The following NMT2 variants were observed in gnomAD, a reference collection of about 807,000 sequenced individuals.
NMT2 encodes N-myristoyltransferase 2.
Under a neutral mutation model 65.4 loss-of-function variants are expected in NMT2, and 35 were observed. That is an observed-to-expected ratio of 0.54 (90% CI 0.41 to 0.71). The LOEUF (loss-of-function observed/expected upper bound fraction) is 0.71, where lower values mean the gene tolerates loss of function less well. Among genes scored for constraint, NMT2 ranks in the 30% least tolerant of loss-of-function variants. The probability of loss-of-function intolerance (pLI) is 0.00; values close to 1 mark genes in which losing one functional copy is unlikely to be tolerated. For missense variants in NMT2, 489 were observed against 611.3 expected (o/e 0.80, Z 2.11); for synonymous variants, 226 against 231.8 (o/e 0.98, Z 0.23).
chr10:15,122,923 T>G (rs1247779032), intron 8 of NMT2, among the ~76,000 whole-genome samples: 2 of 150,112 alleles, frequency 1.3e-5, no homozygotes, highest in African/African-American at 5.0e-5. Context: ...AGTGTTATTA[T>G]GAAAATAGTT....
At chr10:15,111,683 C>G (rs1845524387) in intron 10 of NMT2, 1 of 151,570 alleles carries the variant, frequency 6.6e-6, no homozygotes. Context: ...TTTTATTTCT[C>G]AGGGTTTTTA....
At chr10:15,143,034 C>T (rs974020625) in intron 1 of NMT2, among the ~76,000 whole-genome samples, 1 of 152,106 alleles carries the variant, frequency 6.6e-6, no homozygotes, top group Non-Finnish European at 1.5e-5. Flanking sequence ...TTCTTAATTG[C>T]GTCCCTAAGG....
chr10:15,159,069 A>T (rs942108900), intron 1 of NMT2, among the ~76,000 whole-genome samples: 6 of 152,172 alleles, frequency 3.9e-5, no homozygotes, highest in African/African-American at 1.4e-4. Flanking sequence ...CACAGGTCTC[A>T]CCAAAGGTGT....
At position 15,168,656 on chromosome 10, in the gene NMT2, GAGCGGCCGCAGCTCCCTCTA is replaced by G; in HGVS notation, c.-64_-45del. 6.7e-7 allele frequency: 1 copy of G among 1,493,130 alleles called. No individual in the cohort carries two copies. The highest frequency in any genetic ancestry group is 9.0e-7 in the Non-Finnish European group (1 of 1,107,878). The allele number at this position is 1,493,130 out of a possible 1,614,324, so 92.5% of individuals were successfully genotyped here. A position where few individuals can be genotyped will look rare whatever the true frequency, so the allele number is the denominator to read the frequency against. The stretch of plus-strand genomic sequence containing the variant: ...GGAGGCGGTGCTCGGGGCCGGGCCG[GAGCGGCCGCAGCTCCCTCTA>G]GTGCCTCCCGCCGTACTGCTTGGAG... On this transcript the variant is annotated 5_prime_UTR_variant, in exon 1 of 12. Transcript: ENST00000378165.
At chr10:15,149,154 C>G (rs1170454178) in intron 1 of NMT2, among the ~76,000 whole-genome samples, 1 of 150,074 alleles carries the variant, frequency 6.7e-6, no homozygotes, top group Non-Finnish European at 1.5e-5. Context: ...TGATCGCCAT[C>G]ACCACCATCA....
chr10:15,153,562 C>T (rs946320423), intron 1 of NMT2, among the ~76,000 whole-genome samples: 8 of 152,236 alleles, frequency 5.3e-5, no homozygotes, highest in Non-Finnish European at 1.0e-4. Flanking sequence ...CTGAATACGT[C>T]ACACTACTTA....
chr10:15,135,336 T>C lies in NMT2; in HGVS notation c.329A>G (p.Asn110Ser), dbSNP rs1311520413. The C allele has an allele frequency of 6.2e-7, 1 of 1,614,146 alleles. No homozygotes were observed. Among genetic ancestry groups the C allele is most frequent in the Non-Finnish European group, 8.5e-7 (1 of 1,180,010 alleles). The change falls in exon 3 of 12, where the codon AAC (asparagine) becomes AGC (serine). Residue 110 changes from asparagine (N) to serine (S), a missense_variant. Asn to Ser is a conservative substitution (Grantham distance 46, BLOSUM62 1). Coordinates refer to ENST00000378165, the MANE Select transcript of NMT2 (RefSeq NM_004808.3). ...LLSACQGPARNIDEAAKHRYQ... is the reference protein window; with the variant it reads ...LLSACQGPARSIDEAAKHRYQ... The stretch of plus-strand genomic sequence containing the variant: ...TCTGTGCTTTGCAGCCTCATCAATG[T>C]TCCTGGCTGGGCCCTGGCATGCGGA...
chr10:15,107,436 G>A lies in NMT2; in HGVS notation c.*1759C>T. The A allele has an allele frequency of 1.0e-6, 1 of 985,436 alleles. No individual in the cohort carries two copies. Among genetic ancestry groups the A allele is most frequent in the Non-Finnish European group, 1.2e-6 (1 of 829,936 alleles). The allele number at this position is 985,436 out of a possible 1,614,324, so 61.0% of individuals were successfully genotyped here. A position where few individuals can be genotyped will look rare whatever the true frequency, so the allele number is the denominator to read the frequency against. ...ACTGAACTTCCTAGGCACTGGCCCA[G>A]TAAAAGCAGGGAAAAGTATCTACTT... On this transcript the variant is annotated 3_prime_UTR_variant, in exon 12 of 12. Transcript: ENST00000378165.
chr10:15,160,084 G>C (rs546216454), intron 1 of NMT2, among the ~76,000 whole-genome samples: 1 of 152,304 alleles, frequency 6.6e-6, no homozygotes, highest in East Asian at 1.9e-4. Flanking sequence ...CAGAAGCAGA[G>C]GAAGCCATGA....
chr10:15,160,573 G>C (rs997104403), intron 1 of NMT2, among the ~76,000 whole-genome samples: 1 of 151,988 alleles, frequency 6.6e-6, no homozygotes, highest in African/African-American at 2.4e-5. Context: ...TCAGGAGTTC[G>C]AGACCAGCCG....
chr10:15,127,546 C>CAAAAAAAAAAAAAAAAAAAAAAAA (rs1239422956), intron 8 of NMT2, among the ~76,000 whole-genome samples: 1 of 51,370 alleles, frequency 1.9e-5, no homozygotes, highest in African/African-American at 4.9e-5. Flanking sequence ...GACTCCGTCT[C>CAAAAAAAAAAAAAAAAAAAAAAAA]AAAAAAAAAA....
intron 1 of NMT2, among the ~76,000 whole-genome samples, chr10:15,153,816 AT>A (rs368089996): frequency 5.4e-5 from 8 of 148,628 alleles, no homozygotes; most frequent in South Asian, 2.1e-4. Context: ...CGCCCGGCTA[AT>A]TTTTTTTTTG....
intron 8 of NMT2, among the ~76,000 whole-genome samples, chr10:15,127,575 T>TAA (rs1410611353): frequency 4.5e-5 from 3 of 67,104 alleles, no homozygotes; most frequent in South Asian, 4.7e-4. Context: ...AAAAAATAAA[T>TAA]AAATAAATAA....
intron 8 of NMT2, among the ~76,000 whole-genome samples, chr10:15,121,904 TC>T (rs1319054161): frequency 6.6e-6 from 1 of 152,186 alleles, no homozygotes; most frequent in Non-Finnish European, 1.5e-5. Flanking sequence ...CATTTAATAA[TC>T]TAAATTTAGA....
rs1845318629 is a variant in NMT2 at position 15,106,810 on chromosome 10, A to G, written c.*2385T>C. Reference sequence around the variant, plus strand: ...CAGCCATAGGCAATATGTAAATGAAAGTGGCTGTGGCCAAGAGTGGTGGCT... The same window carrying G: ...CAGCCATAGGCAATATGTAAATGAAGGTGGCTGTGGCCAAGAGTGGTGGCT... On this transcript the variant is annotated 3_prime_UTR_variant, in exon 12 of 12. Transcript: ENST00000378165. The G allele has an allele frequency of 4.1e-6, 1 of 241,024 alleles. No individual in the cohort carries two copies. The highest frequency in any genetic ancestry group is 6.7e-6 in the Non-Finnish European group (1 of 149,416). 14.9% of individuals were successfully genotyped at this position (241,024 alleles called of 1,614,324 possible).
At chr10:15,116,732 G>C (rs1298463186) in intron 9 of NMT2, among the ~76,000 whole-genome samples, 4 of 152,130 alleles carry the variant, frequency 2.6e-5, no homozygotes, top group African/African-American at 9.7e-5. Context: ...TATGAAAGAA[G>C]AGATATCAGT....
intron 1 of NMT2, among the ~76,000 whole-genome samples, chr10:15,143,395 T>C (rs1014812795): frequency 1.3e-4 from 20 of 152,228 alleles, no homozygotes; most frequent in African/African-American, 4.8e-4. Context: ...ACTAGGAGCC[T>C]GGGACCTCAC....
At chr10:15,134,801 T>C (rs766135161) in intron 3 of NMT2, among the ~76,000 whole-genome samples, 6 of 152,008 alleles carry the variant, frequency 3.9e-5, no homozygotes, top group Admixed American at 6.6e-5. Flanking sequence ...AGCAACATAC[T>C]GAAACAGCGT....
intron 1 of NMT2, among the ~76,000 whole-genome samples, chr10:15,151,462 C>T (rs926031429): frequency 2.0e-5 from 3 of 152,192 alleles, no homozygotes; most frequent in African/African-American, 7.2e-5. Context: ...TCATATAACA[C>T]TCATTGGCCA....
Sources: allele counts gnomAD v4.1 joint callset (sites outside exome capture counted in the v4.1 genomes callset), GRCh38; gene constraint gnomAD v4.1.1; transcripts MANE v1.5; gene names NCBI Gene and HGNC (gene_info 2026-07-23, HGNC 2026-07-21).